ERC2: variants seen among roughly 807,000 people sequenced by gnomAD.
The protein encoded by ERC2 is ELKS/RAB6-interacting/CAST family member 2.
Under a neutral mutation model 114.8 loss-of-function variants are expected in ERC2, and 42 were observed. That is an observed-to-expected ratio of 0.37 (90% confidence interval 0.29 to 0.47). The LOEUF (loss-of-function observed/expected upper bound fraction) is 0.47, where lower values mean the gene tolerates loss of function less well. ERC2 is among the 20% of genes least tolerant of loss of function. ERC2 has a pLI of 0.99. For missense variants in ERC2, 939 were observed against 1,150.7 expected (o/e 0.82, Z 2.66); for synonymous variants, 454 against 425.5 (o/e 1.07, Z -0.82).
intron 7 of ERC2, among the ~76,000 whole-genome samples, chr3:56,070,883 C>G (rs2076705945): frequency 6.6e-6 from 1 of 152,178 alleles, no homozygotes; most frequent in Admixed American, 6.6e-5. Flanking sequence ...CAAACCTTTG[C>G]AAATGCTATT....
chr3:55,588,605 T>C (rs2057714746), intron 17 of ERC2, among the ~76,000 whole-genome samples: 2 of 152,142 alleles, frequency 1.3e-5, no homozygotes, highest in East Asian at 1.9e-4. Flanking sequence ...TGGGAAACAT[T>C]GGCTCTCACT....
At chr3:56,206,306 G>A (rs1168413406) in intron 3 of ERC2, among the ~76,000 whole-genome samples, 1 of 152,072 alleles carries the variant, frequency 6.6e-6, no homozygotes, top group Non-Finnish European at 1.5e-5. Context: ...TTGGGTCTTA[G>A]AATTTATTCC....
intron 1 of ERC2, among the ~76,000 whole-genome samples, chr3:56,450,235 T>C (rs1246572552): frequency 1.3e-5 from 2 of 152,218 alleles, no homozygotes; most frequent in East Asian, 3.8e-4. Flanking sequence ...CCAAACTCAT[T>C]TTATAATTAC....
chr3:56,315,144 A>T (rs1336845744), intron 2 of ERC2, among the ~76,000 whole-genome samples: 1 of 152,190 alleles, frequency 6.6e-6, no homozygotes, highest in Non-Finnish European at 1.5e-5. Flanking sequence ...TCCAACCAAG[A>T]TGAAGTAACT....
At chr3:55,845,082 T>C (rs1158173362) in intron 14 of ERC2, among the ~76,000 whole-genome samples, 1 of 152,178 alleles carries the variant, frequency 6.6e-6, no homozygotes, top group Non-Finnish European at 1.5e-5. Flanking sequence ...ACTGATCTGA[T>C]AGGAGGCGGA....
intron 4 of ERC2, among the ~76,000 whole-genome samples, chr3:56,169,187 T>C (rs2082489401): frequency 6.6e-6 from 1 of 151,820 alleles, no homozygotes; most frequent in African/African-American, 2.4e-5. Flanking sequence ...AAAAACCTTT[T>C]ACTAGTTAAC....
intron 2 of ERC2, among the ~76,000 whole-genome samples, chr3:56,313,630 C>T (rs952428999): frequency 5.9e-5 from 9 of 152,154 alleles, no homozygotes; most frequent in Non-Finnish European, 8.8e-5. Flanking sequence ...GGAAGCAGTA[C>T]GCAGCATGAA....
intron 15 of ERC2, among the ~76,000 whole-genome samples, chr3:55,710,687 T>C (rs2063735345): frequency 6.6e-6 from 1 of 152,216 alleles, no homozygotes; most frequent in Non-Finnish European, 1.5e-5. Flanking sequence ...AGTACATAAC[T>C]GATGTTTCTT....
intron 17 of ERC2, among the ~76,000 whole-genome samples, chr3:55,656,874 G>A (rs2060891833): frequency 6.6e-6 from 1 of 152,192 alleles, no homozygotes; most frequent in African/African-American, 2.4e-5. Flanking sequence ...AAAGAGAGTA[G>A]AAGGGGTCAC....
At chr3:55,959,444 A>C (rs1213146224) in intron 12 of ERC2, among the ~76,000 whole-genome samples, 1 of 152,186 alleles carries the variant, frequency 6.6e-6, no homozygotes, top group Non-Finnish European at 1.5e-5. Flanking sequence ...ATCCTGGGTG[A>C]CTGCAGATGC....
chr3:55,601,591 G>A (rs1259750487), intron 17 of ERC2, among the ~76,000 whole-genome samples: 1 of 152,206 alleles, frequency 6.6e-6, no homozygotes, highest in African/African-American at 2.4e-5. Flanking sequence ...TCCTGCCTAT[G>A]GGAGAGCTCT....
intron 17 of ERC2, among the ~76,000 whole-genome samples, chr3:55,569,465 C>T (rs2056577050): frequency 1.3e-5 from 2 of 152,096 alleles, no homozygotes; most frequent in African/African-American, 2.4e-5. Context: ...AAAAATTTAA[C>T]GAGGGCAAGA....
intron 4 of ERC2, among the ~76,000 whole-genome samples, chr3:56,169,336 C>T (rs1366618251): frequency 6.6e-6 from 1 of 152,178 alleles, no homozygotes; most frequent in Non-Finnish European, 1.5e-5. Flanking sequence ...ATGTTTTAAG[C>T]AAATGAACTC....
intron 6 of ERC2, among the ~76,000 whole-genome samples, chr3:56,119,077 T>C (rs1436917071): frequency 2.0e-5 from 3 of 152,208 alleles, no homozygotes. Context: ...CTATAGACAA[T>C]ATGTTATGAA....
At chr3:56,083,939 T>A (rs759953507) in intron 6 of ERC2, among the ~76,000 whole-genome samples, 5 of 151,562 alleles carry the variant, frequency 3.3e-5, no homozygotes, top group African/African-American at 7.3e-5. Flanking sequence ...AAGTAAAGGA[T>A]TGCTGCATCT....
chr3:56,466,544 A>G (rs2063551235), intron 1 of ERC2, among the ~76,000 whole-genome samples: 1 of 152,154 alleles, frequency 6.6e-6, no homozygotes, highest in Admixed American at 6.5e-5. Flanking sequence ...AACAGACAAG[A>G]TGGCTTACAT....
intron 4 of ERC2, 114 bp downstream of exon 4, chr3:56,173,332 A>G (rs1167554796): frequency 2.1e-6 from 2 of 970,046 alleles, no homozygotes; most frequent in African/African-American, 3.2e-5. Context: ...TAAAGCATCC[A>G]GCAGGGTGCC....
chr3:56,035,796 C>A (rs2074756213), intron 7 of ERC2, among the ~76,000 whole-genome samples: 2 of 152,210 alleles, frequency 1.3e-5, no homozygotes, highest in Non-Finnish European at 2.9e-5. Context: ...TACAAACTAC[C>A]CATTCTCAGG....
chr3:55,710,260 A>C (rs1438207208), intron 15 of ERC2, among the ~76,000 whole-genome samples: 1 of 152,110 alleles, frequency 6.6e-6, no homozygotes, highest in East Asian at 1.9e-4. Context: ...CATCATTTGC[A>C]GGTCTCCCCA....
Sources: gnomAD v4.1 joint callset for allele counts (sites outside exome capture counted in the v4.1 genomes callset) on GRCh38, gnomAD v4.1.1 for gene constraint, MANE v1.5 for transcripts, NCBI Gene and HGNC (gene_info 2026-07-23, HGNC 2026-07-21) for gene names.